Variants in ZNF385D observed in about 807,000 individuals in gnomAD.
The protein encoded by ZNF385D is zinc finger protein 659.
Under a neutral mutation model 35.8 loss-of-function variants are expected in ZNF385D, and 15 were observed. That is an observed-to-expected ratio of 0.42 (90% CI 0.28 to 0.64). The LOEUF (loss-of-function observed/expected upper bound fraction) is 0.64, where lower values mean the gene tolerates loss of function less well. ZNF385D is among the 30% of genes least tolerant of loss of function. ZNF385D has a pLI of 0.23. For synonymous variants in ZNF385D, 212 were observed against 186.8 expected, an observed-to-expected ratio of 1.13 and a Z score of -1.10; for missense variants, 474 against 494.6, an observed-to-expected ratio of 0.96 and a Z score of 0.39.
At chr3:22,335,519 C>G (rs984135047) in intron 2 of ZNF385D, among the ~76,000 whole-genome samples, 6 of 152,072 alleles carry the variant, frequency 3.9e-5, no homozygotes, top group Non-Finnish European at 8.8e-5. Context: ...GATCTTTTAA[C>G]AAAAGCCTAA....
chr3:22,058,484 G>A (rs1049479928), intron 3 of ZNF385D, among the ~76,000 whole-genome samples: 11 of 152,086 alleles, frequency 7.2e-5, no homozygotes, highest in African/African-American at 2.7e-4. Context: ...ACTGGATAAT[G>A]GCTATCACAC....
At chr3:22,103,312 C>T (rs375234352) in intron 3 of ZNF385D, among the ~76,000 whole-genome samples, 8 of 151,600 alleles carry the variant, frequency 5.3e-5, no homozygotes, top group African/African-American at 1.2e-4. Context: ...CAAGTGCTTA[C>T]GATTTTGCCT....
At chr3:21,705,703 C>G (rs867468895) in intron 1 of ZNF385D, among the ~76,000 whole-genome samples, 1 of 152,186 alleles carries the variant, frequency 6.6e-6, no homozygotes, top group South Asian at 2.1e-4. Context: ...GAAAACAAAA[C>G]CTTCTCTGTG....
intron 3 of ZNF385D, among the ~76,000 whole-genome samples, chr3:21,961,859 G>A (rs562313669): frequency 1.3e-5 from 2 of 152,144 alleles, no homozygotes; most frequent in Admixed American, 1.3e-4. Context: ...CAGAAGTTGA[G>A]ATAAAAATGA....
At chr3:22,021,128 G>C (rs1697200783) in intron 3 of ZNF385D, among the ~76,000 whole-genome samples, 1 of 151,888 alleles carries the variant, frequency 6.6e-6, no homozygotes, top group Non-Finnish European at 1.5e-5. Context: ...GATGGGGTTA[G>C]ATGAGAAACT....
rs368141040 is a variant in ZNF385D, at chr3:21,593,414, A to G, written c.166-28730T>C. Among the ~76,000 whole-genome samples the G allele has an allele frequency of 7.3e-4, 111 of 152,284 alleles. 2 individuals carry two copies. In the South Asian group the frequency reaches 0.016, roughly 22 times the overall value. ...ACTCAGGGCCAAAACATTAAAAACA[A>G]TTTCTGAAATGGAAATGGCTCTTAC... On this transcript the variant is annotated intron_variant, in intron 2 of 7. Coordinates refer to ENST00000281523, the MANE Select transcript of ZNF385D (RefSeq NM_024697.3).
intron 2 of ZNF385D, among the ~76,000 whole-genome samples, chr3:21,582,785 A>G (rs921861482): frequency 6.6e-6 from 1 of 151,904 alleles, no homozygotes; most frequent in African/African-American, 2.4e-5. Flanking sequence ...TCATTCATTC[A>G]TTTATCCTTT....
At chr3:21,805,153 G>A (rs1018205820) in intron 3 of ZNF385D, among the ~76,000 whole-genome samples, 1 of 152,208 alleles carries the variant, frequency 6.6e-6, no homozygotes, top group Non-Finnish European at 1.5e-5. Context: ...TGAATGGTGT[G>A]AGAAAACAGT....
At chr3:22,163,996 C>T (rs1348797722) in intron 3 of ZNF385D, among the ~76,000 whole-genome samples, 1 of 152,174 alleles carries the variant, frequency 6.6e-6, no homozygotes, top group Non-Finnish European at 1.5e-5. Flanking sequence ...CCACTAATAA[C>T]TGTGTAAGGC....
chr3:21,921,222 C>CAAAAAAAAAAA (rs11387962), intron 3 of ZNF385D, among the ~76,000 whole-genome samples: 1 of 68,962 alleles, frequency 1.5e-5, no homozygotes, highest in African/African-American at 5.6e-5. Context: ...GACTCCATCT[C>CAAAAAAAAAAA]AAAAAAAAAA....
At chr3:22,209,388 C>G (rs998630292) in intron 2 of ZNF385D, among the ~76,000 whole-genome samples, 4 of 151,794 alleles carry the variant, frequency 2.6e-5, no homozygotes, top group African/African-American at 9.7e-5. Context: ...ACTGTAGAAT[C>G]TATTAACACT....
At chr3:21,865,367 C>CATG (rs1207945765) in intron 3 of ZNF385D, among the ~76,000 whole-genome samples, 1 of 150,816 alleles carries the variant, frequency 6.6e-6, no homozygotes, top group East Asian at 2.0e-4. Flanking sequence ...GCTTTTGCAT[C>CATG]ATTCGTGAAA....
intron 2 of ZNF385D, among the ~76,000 whole-genome samples, chr3:21,608,023 G>GGTTTTTTTTGGTTTTTTT (rs2064542770): frequency 2.5e-5 from 3 of 120,220 alleles, no homozygotes; most frequent in South Asian, 2.9e-4. Context: ...TTTTTTTTTT[G>GGTTTTTTTTGGTTTTTTT]TTTTTTTTTT....
chr3:22,011,695 C>T (rs549215295), intron 3 of ZNF385D, among the ~76,000 whole-genome samples: 2 of 152,018 alleles, frequency 1.3e-5, no homozygotes, highest in East Asian at 1.9e-4. Flanking sequence ...ATTTATGTAA[C>T]AATCATTTAA....
chr3:22,163,017 C>T (rs1211408742), intron 3 of ZNF385D, among the ~76,000 whole-genome samples: 2 of 152,098 alleles, frequency 1.3e-5, no homozygotes, highest in Non-Finnish European at 2.9e-5. Flanking sequence ...GAAACAGAGA[C>T]ATCAGCAAAT....
intron 2 of ZNF385D, among the ~76,000 whole-genome samples, chr3:22,236,024 T>G (rs896736187): frequency 1.3e-5 from 2 of 152,118 alleles, no homozygotes; most frequent in African/African-American, 4.8e-5. Flanking sequence ...AAAGAATCAT[T>G]GCAACATTGA....
chr3:21,461,865 G>A (rs1198769675), intron 4 of ZNF385D, among the ~76,000 whole-genome samples: 1 of 152,134 alleles, frequency 6.6e-6, no homozygotes, highest in Admixed American at 6.5e-5. Flanking sequence ...GCTGAAACTT[G>A]GACAAAGACA....
chr3:21,821,986 T>A (rs1051426580), intron 3 of ZNF385D, among the ~76,000 whole-genome samples: 25 of 134,988 alleles, frequency 1.9e-4, no homozygotes, highest in East Asian at 1.2e-3. Context: ...AAAAAAAAAA[T>A]TTAAAAAGCT....
intron 3 of ZNF385D, among the ~76,000 whole-genome samples, chr3:21,831,281 A>G: frequency 6.6e-6 from 1 of 152,218 alleles, no homozygotes; most frequent in East Asian, 1.9e-4. Flanking sequence ...TTTGAAGGGA[A>G]GAGGAGCAGA....
Sources: gnomAD v4.1 joint callset for allele counts (sites outside exome capture counted in the v4.1 genomes callset) on GRCh38, gnomAD v4.1.1 for gene constraint, MANE v1.5 for transcripts, NCBI Gene and HGNC (gene_info 2026-07-23, HGNC 2026-07-21) for gene names.